Variants in DDX3X observed in about 807,000 individuals in gnomAD.
DDX3X encodes DEAD-box helicase 3 X-linked, also known as ATP-dependent RNA helicase DDX3X.
In DDX3X, 4 loss-of-function variants were observed where a neutral mutation model predicts 52.7. The observed-to-expected ratio is 0.08, with a 90% CI of 0.04 to 0.17. The LOEUF is 0.17. DDX3X is among the 10% of genes least tolerant of loss of function. The probability of loss-of-function intolerance (pLI) is 1.00; values close to 1 mark genes in which losing one functional copy is unlikely to be tolerated. For synonymous variants in DDX3X, 192 were observed against 178.1 expected (o/e 1.08, Z -0.62); for missense variants, 222 against 548.6 (o/e 0.40, Z 5.95).
At chrX:41,345,815 C>T (rs2063916002) in intron 12 of DDX3X, 1 of 293,505 alleles carries the variant, frequency 3.4e-6, no homozygotes, top group Non-Finnish European at 5.9e-6. Context: ...TAGACTTAGA[C>T]AATCCTCCTG....
chrX:41,354,062 A>AT (rs966080605), downstream of DDX3X, among the ~76,000 whole-genome samples: 101 of 111,447 alleles, frequency 9.1e-4, no homozygotes, highest in African/African-American at 3.1e-3. Flanking sequence ...GTTAAAATGT[A>AT]TTTTCTAATA....
chrX:41,349,939 A>G lies in DDX3X; in HGVS notation c.*2220A>G, dbSNP rs2063969603. ...TTCAGTGAATGTCTGGCACATTGCA[A>G]TCCTCAAACATGTGGTTATCTTTGT... On this transcript the variant is annotated 3_prime_UTR_variant, in exon 17 of 17. Transcript: ENST00000644876. 1 of 108,807 alleles carries G rather than the reference A, an allele frequency of 9.2e-6. No individual in the cohort carries two copies. Among genetic ancestry groups the G allele is most frequent in the Admixed American group, 9.9e-5 (1 of 10,063 alleles). 9.0% of individuals were successfully genotyped at this position (108,807 alleles called of 1,213,427 possible).
Position 41,356,693 on chromosome X carries a change from C to T in DDX3X, c.655-7581C>T, listed in dbSNP as rs770417183. On this transcript the variant is annotated intron_variant, in intron 5 of 5. Transcript: ENST00000616050. Reference sequence around the variant, plus strand: ...GTTGGTCAGGGTGGTCTTGATCTCCCACCTTGTGATCTGCCCGCCTCGGCC... The same window carrying T: ...GTTGGTCAGGGTGGTCTTGATCTCCTACCTTGTGATCTGCCCGCCTCGGCC... Among the ~76,000 whole-genome samples the T allele has an allele frequency of 3.7e-5, 4 of 108,593 alleles. No homozygotes were observed. In the South Asian group the frequency reaches 1.6e-3, roughly 43 times the overall value. 94.3% of individuals were successfully genotyped at this position (108,593 alleles called of 115,157 possible).
In DDX3X at chrX:41,342,489, G is replaced by T. The variant is rs368262148; in HGVS notation, c.285-6G>T. 8.3e-7 allele frequency: 1 copy of T among 1,209,206 alleles called. No individual in the cohort carries two copies. The highest frequency in any genetic ancestry group is 1.1e-6 in the Non-Finnish European group (1 of 894,537). On this transcript the variant is annotated splice_polypyrimidine_tract_variant and splice_region_variant and intron_variant, in intron 4 of 16. Transcript: ENST00000644876. ...ATGATTCTGATTAATTGCTTGTGCT[G>T]TTCAGGTTTGATGATCGTGGACGGA...
downstream of DDX3X, among the ~76,000 whole-genome samples, chrX:41,354,051 G>A (rs541452904): frequency 9.0e-6 from 1 of 111,136 alleles, no homozygotes; most frequent in Middle Eastern, 4.6e-3. Flanking sequence ...GATTTTATAC[G>A]GTTAAAATGT....
At chrX:41,361,697 C>A (rs767109570) in intron 5 of DDX3X, among the ~76,000 whole-genome samples, 66 of 110,719 alleles carry the variant, frequency 6.0e-4, no homozygotes, top group African/African-American at 2.1e-3. Context: ...TCCTCACAAC[C>A]CAAATATTAG....
chrX:41,360,514 C>G (rs1467714244), intron 5 of DDX3X, among the ~76,000 whole-genome samples: 1 of 108,648 alleles, frequency 9.2e-6, no homozygotes. Context: ...GTAATCTCGG[C>G]TCACCGCAAC....
intron 3 of DDX3X, chrX:41,341,265 G>A (rs374432243): frequency 2.2e-5 from 7 of 321,518 alleles, no homozygotes; most frequent in Non-Finnish European, 3.2e-5. Context: ...GATTACAGGC[G>A]TGAGCCACCA....
At chrX:41,336,015 A>G (rs1256699207) in intron 1 of DDX3X, 2 of 112,492 alleles carry the variant, frequency 1.8e-5, no homozygotes, top group Admixed American at 1.9e-4. Context: ...TTTTGCTCAT[A>G]GAAATTCTGG....
rs778043547 is a variant in DDX3X at position 41,334,316 on chromosome X, A to C, written c.45+19A>C. 3 of 1,207,002 alleles carry C rather than the reference A, an allele frequency of 2.5e-6. No individual in the cohort carries two copies. The African/African-American group carries it at 5.2e-5, about 21-fold the overall frequency. ...CCAGCAGGTGAGCCGCAAGAACCCC[A>C]CCGGGCTGGCTGCTGCGTGAATTCC... On this transcript the variant is annotated intron_variant, in intron 1 of 16. Transcript: ENST00000644876.
rs747972198 is a variant in DDX3X at position 41,356,520 on chromosome X, A to G, written c.655-7754A>G. On this transcript the variant is annotated intron_variant, in intron 5 of 5. Coordinates refer to the DDX3X transcript ENST00000616050. ...TGTTGCCAGGCTGGAGTGCAGTGGT[A>G]CGATCTCGGCTCACTGCAACCTCTG... Among the ~76,000 whole-genome samples, 4 of 88,069 alleles carry G rather than the reference A, an allele frequency of 4.5e-5. No homozygotes were observed. In the South Asian group the frequency reaches 2.3e-3, roughly 50 times the overall value. 76.5% of individuals were successfully genotyped at this position (88,069 alleles called of 115,157 possible). A position where few individuals can be genotyped will look rare whatever the true frequency, so the allele number is the denominator to read the frequency against.
chrX:41,347,268 G>A (rs1313773746), intron 15 of DDX3X, 44 bp from the exon 16 acceptor site: 1 of 1,169,631 alleles, frequency 8.5e-7, no homozygotes, highest in Admixed American at 2.4e-5. Context: ...TTACTTTAGT[G>A]GAATTTCATC....
At chrX:41,333,869 C>T (rs1289802857), upstream of DDX3X, 1 of 153,901 alleles carries the variant, frequency 6.5e-6, no homozygotes, top group Non-Finnish European at 1.2e-5. Flanking sequence ...CAAGTTCTCG[C>T]GAGATCTCGA....
At position 41,344,280 on chromosome X, in the gene DDX3X, T is replaced by C. The variant is rs1180001077; in HGVS notation, c.906T>C (p.Gly302=). ...RSRVRPCVVY[G]GADIGQQIRD... Reference sequence around the variant, plus strand: ...GAGTTCGTCCTTGCGTGGTTTATGGTGGTGCCGATATTGGTCAGCAGATTC... The same window carrying C: ...GAGTTCGTCCTTGCGTGGTTTATGGCGGTGCCGATATTGGTCAGCAGATTC... Residue 302 remains glycine (G), a synonymous_variant, in exon 10 of 17, where the codon GGT becomes GGC. Transcript: ENST00000644876. 1.7e-6 allele frequency: 2 copies of C among 1,210,188 alleles called. No homozygotes were observed. Among genetic ancestry groups the C allele is most frequent in the African/African-American group, 3.5e-5 (2 of 57,226 alleles).
At chrX:41,359,230 A>G (rs2064019745) in intron 5 of DDX3X, among the ~76,000 whole-genome samples, 2 of 112,664 alleles carry the variant, frequency 1.8e-5, no homozygotes, top group Middle Eastern at 4.6e-3. Flanking sequence ...GTCTTACTGC[A>G]TTTATTAGCA....
chrX:41,345,793 G>T, intron 12 of DDX3X: 1 of 324,972 alleles, frequency 3.1e-6, no homozygotes, highest in Non-Finnish European at 5.3e-6. Context: ...GTACACTACA[G>T]CCCAGAACTC....
intron 2 of DDX3X, chrX:41,338,204 C>T (rs2063798362): frequency 9.0e-6 from 1 of 110,549 alleles, no homozygotes; most frequent in African/African-American, 3.3e-5. Context: ...TTATTTTTAG[C>T]TCAGATCTCT....
intron 1 of DDX3X, chrX:41,336,048 C>A (rs1486667999): frequency 2.7e-5 from 3 of 112,212 alleles, no homozygotes; most frequent in Non-Finnish European, 5.6e-5. Flanking sequence ...TGAAGTCTTA[C>A]ACTCATTTTT....
rs1354906787 is a variant in DDX3X at position 41,346,501 on chromosome X, C to T, written c.1498-4C>T. ...GGCCATATCTCATAAAAGTTATTTT[C>T]CAGGTAGCAGCAAGAGGACTGGACA... On this transcript the variant is annotated splice_polypyrimidine_tract_variant and splice_region_variant and intron_variant, in intron 13 of 16. Coordinates refer to ENST00000644876, the MANE Select transcript of DDX3X (RefSeq NM_001356.5). The T allele has an allele frequency of 1.7e-6, 2 of 1,200,654 alleles. No homozygotes were observed. The highest frequency in any genetic ancestry group is 1.8e-5 in the South Asian group (1 of 55,199).
Sources: allele counts gnomAD v4.1 joint callset (sites outside exome capture counted in the v4.1 genomes callset), GRCh38; gene constraint gnomAD v4.1.1; transcripts MANE v1.5; gene names NCBI Gene and HGNC (gene_info 2026-07-23, HGNC 2026-07-21).